Variants in ERC2 observed in about 807,000 individuals in gnomAD.
ERC2 encodes the protein ERC protein 2.
In ERC2, 42 loss-of-function variants were observed where a neutral mutation model predicts 114.8. The observed-to-expected ratio is 0.37, with a 90% CI of 0.29 to 0.47. ERC2 has a LOEUF of 0.47. ERC2 is among the 20% of genes least tolerant of loss of function. The pLI is 0.99. For synonymous variants in ERC2, 454 were observed against 425.5 expected, an observed-to-expected ratio of 1.07 and a Z score of -0.82; for missense variants, 939 against 1,150.7, an observed-to-expected ratio of 0.82 and a Z score of 2.66.
intron 17 of ERC2, among the ~76,000 whole-genome samples, chr3:55,587,752 C>T (rs1465358240): frequency 6.6e-6 from 1 of 152,200 alleles, no homozygotes; most frequent in East Asian, 1.9e-4. Context: ...GGTGATAATA[C>T]TATTCAGCGG....
intron 2 of ERC2, among the ~76,000 whole-genome samples, chr3:56,308,669 C>G (rs2056370032): frequency 6.6e-6 from 1 of 152,106 alleles, no homozygotes. Flanking sequence ...CTCTTTTCCA[C>G]ACTATGGGGA....
At chr3:55,797,280 G>A (rs1463879772) in intron 14 of ERC2, among the ~76,000 whole-genome samples, 1 of 152,102 alleles carries the variant, frequency 6.6e-6, no homozygotes, top group Non-Finnish European at 1.5e-5. Context: ...AAACAAGAAT[G>A]GTATGCTGAA....
intron 17 of ERC2, among the ~76,000 whole-genome samples, chr3:55,636,165 T>TCAGCCTGTAATGAG: frequency 6.6e-6 from 1 of 152,322 alleles, no homozygotes; most frequent in East Asian, 1.9e-4. Flanking sequence ...CATGAGCCAC[T>TCAGCCTGTAATGAG]GCACCCAGCC....
intron 3 of ERC2, among the ~76,000 whole-genome samples, chr3:56,278,089 T>C (rs1188609680): frequency 6.6e-6 from 1 of 152,176 alleles, no homozygotes; most frequent in Non-Finnish European, 1.5e-5. Flanking sequence ...TTACTACATA[T>C]CAAGAGGTTA....
intron 14 of ERC2, among the ~76,000 whole-genome samples, chr3:55,783,639 T>G (rs1353960408): frequency 2.0e-5 from 3 of 152,228 alleles, no homozygotes; most frequent in African/African-American, 7.2e-5. Context: ...GAGAGATTGA[T>G]GGTATGGTCT....
chr3:55,982,175 A>G (rs943513445), intron 12 of ERC2, among the ~76,000 whole-genome samples: 3 of 152,210 alleles, frequency 2.0e-5, no homozygotes, highest in East Asian at 3.9e-4. Context: ...TTCATGGAAT[A>G]TATTCAATGA....
intron 2 of ERC2, among the ~76,000 whole-genome samples, chr3:56,322,096 G>T (rs972563896): frequency 1.3e-5 from 2 of 152,214 alleles, no homozygotes; most frequent in African/African-American, 2.4e-5. Flanking sequence ...TAACCACAGA[G>T]CGTGGCAGTT....
intron 2 of ERC2, among the ~76,000 whole-genome samples, chr3:56,393,181 T>C (rs2060189686): frequency 6.6e-6 from 1 of 152,212 alleles, no homozygotes; most frequent in Non-Finnish European, 1.5e-5. Context: ...GTGGATCACC[T>C]GAGGTCAGGA....
chr3:56,303,853 G>T (rs2056056991), intron 2 of ERC2, among the ~76,000 whole-genome samples: 1 of 152,144 alleles, frequency 6.6e-6, no homozygotes, highest in Admixed American at 6.5e-5. Flanking sequence ...CAGTGGGTGG[G>T]CAAGGACTGG....
intron 1 of ERC2, among the ~76,000 whole-genome samples, chr3:56,464,440 C>A (rs1270024529): frequency 6.6e-6 from 1 of 152,226 alleles, no homozygotes; most frequent in African/African-American, 2.4e-5. Flanking sequence ...GGAGCCCAAC[C>A]TATACCAGCC....
In ERC2 at chr3:55,743,593, CAAAAAAAAAA is replaced by C. The variant is rs367859231; in HGVS notation, c.2565-8685_2565-8676del. 8.2e-5 allele frequency among the ~76,000 whole-genome samples: 8 copies of C among 97,200 alleles called. No homozygotes were observed. The South Asian group carries it at 1.2e-3, about 15-fold the overall frequency. 63.8% of individuals were successfully genotyped at this position (97,200 alleles called of 152,430 possible). A position where few individuals can be genotyped will look rare whatever the true frequency, so the allele number is the denominator to read the frequency against. On this transcript the variant is annotated intron_variant, in intron 14 of 17. Coordinates refer to ENST00000288221, the MANE Select transcript of ERC2 (RefSeq NM_015576.3). ...GCTCATTACTATGTGCCTGATCCAC[CAAAAAAAAAA>C]AAAAAAAAAAGAAACAAGAAAAAAA...
chr3:55,624,057 A>T (rs1414712455), intron 17 of ERC2, among the ~76,000 whole-genome samples: 1 of 152,230 alleles, frequency 6.6e-6, no homozygotes, highest in Admixed American at 6.5e-5. Flanking sequence ...TTAGGACTCC[A>T]ACAGCTCAAG....
At chr3:55,903,866 A>G (rs190147187) in intron 13 of ERC2, among the ~76,000 whole-genome samples, 1 of 152,338 alleles carries the variant, frequency 6.6e-6, no homozygotes, top group East Asian at 1.9e-4. Context: ...TCCAGTGTGT[A>G]CAAATGTTGA....
At chr3:55,905,365 G>A (rs957887446) in intron 13 of ERC2, among the ~76,000 whole-genome samples, 1 of 152,180 alleles carries the variant, frequency 6.6e-6, no homozygotes. Context: ...ACAGGCGTGA[G>A]CCACCACGCA....
intron 5 of ERC2, among the ~76,000 whole-genome samples, chr3:56,142,643 C>G (rs2080921442): frequency 6.6e-6 from 1 of 151,974 alleles, no homozygotes; most frequent in Non-Finnish European, 1.5e-5. Flanking sequence ...GTTCTTTATT[C>G]ATATTTTCAA....
At chr3:56,075,090 T>G (rs2076910686) in intron 7 of ERC2, among the ~76,000 whole-genome samples, 1 of 151,952 alleles carries the variant, frequency 6.6e-6, no homozygotes, top group African/African-American at 2.4e-5. Context: ...AAGAAATAGT[T>G]CTCTAAGAGT....
At chr3:55,677,820 T>C (rs1362413585) in intron 17 of ERC2, among the ~76,000 whole-genome samples, 1 of 152,152 alleles carries the variant, frequency 6.6e-6, no homozygotes, top group Non-Finnish European at 1.5e-5. Context: ...ATTAACCATG[T>C]CAGGGGATTT....
chr3:55,637,994 CA>C lies in ERC2; in HGVS notation c.*39+45799del, dbSNP rs1239350722. On this transcript the variant is annotated intron_variant, in intron 17 of 17. Transcript: ENST00000288221. ...TCAGAAAGCTAACAAATGGCAAAAG[CA>C]ATAATTGAACCCAATTCTGTTAGGC... Among the ~76,000 whole-genome samples, 3 of 152,266 alleles carry C rather than the reference CA, an allele frequency of 2.0e-5. No homozygotes were observed. In the East Asian group the frequency reaches 5.8e-4, roughly 29 times the overall value.
At chr3:56,245,734 G>A (rs2051648103) in intron 3 of ERC2, among the ~76,000 whole-genome samples, 1 of 151,924 alleles carries the variant, frequency 6.6e-6, no homozygotes, top group Non-Finnish European at 1.5e-5. Context: ...AGTGGAGATG[G>A]GGTTTCGCCA....
Sources: allele counts gnomAD v4.1 joint callset (sites outside exome capture counted in the v4.1 genomes callset), GRCh38; gene constraint gnomAD v4.1.1; transcripts MANE v1.5; gene names NCBI Gene and HGNC (gene_info 2026-07-23, HGNC 2026-07-21).